The following CKAP2 variants were observed in gnomAD, a reference collection of about 807,000 sequenced individuals.
CKAP2 encodes cytoskeleton-associated protein 2.
A neutral mutation model predicts 58.4 loss-of-function variants in CKAP2; 46 were observed. That is an observed-to-expected ratio of 0.79 (90% CI 0.62 to 1.01). CKAP2 has a LOEUF of 1.01. Among genes scored for constraint, CKAP2 ranks in the 50% least tolerant of loss-of-function variants. The pLI is 0.00. For missense variants in CKAP2, 809 were observed against 796.4 expected (o/e 1.02, Z -0.19); for synonymous variants, 293 against 280.9 (o/e 1.04, Z -0.43).
chr13:52,471,268 GAT>G (rs1350681835), intron 7 of CKAP2, among the ~76,000 whole-genome samples: 2 of 152,166 alleles, frequency 1.3e-5, no homozygotes, highest in African/African-American at 4.8e-5. Context: ...TATTTCTGGA[GAT>G]ATGTGGAAAG....
chr13:52,455,977 C>T (rs1958472844), intron 1 of CKAP2: 8 of 1,095,972 alleles, frequency 7.3e-6, no homozygotes, highest in Middle Eastern at 3.9e-4. Context: ...CCGACTGCGC[C>T]TGCGCTGGGT....
Position 52,468,273 on chromosome 13 carries a change from T to A in CKAP2, c.1477-5T>A, listed in dbSNP as rs920966811. On this transcript the variant is annotated splice_region_variant and splice_polypyrimidine_tract_variant and intron_variant, in intron 6 of 8. Transcript: ENST00000258607. ...GGATCTGCTTTCTTCATTAAAAAAA[T>A]TAAGCCTATTGAAGAGATGCGACAC... 6.4e-7 allele frequency: 1 copy of A among 1,564,156 alleles called. No homozygotes were observed. Among genetic ancestry groups the A allele is most frequent in the Non-Finnish European group, 8.7e-7 (1 of 1,150,512 alleles).
Position 52,455,572 on chromosome 13 carries a change from G to A in CKAP2, c.16G>A (p.Val6Met), listed in dbSNP as rs1958462501. 3 of 1,612,534 alleles carry A rather than the reference G, an allele frequency of 1.9e-6. No individual in the cohort carries two copies. Among genetic ancestry groups the A allele is most frequent in the African/African-American group, 1.3e-5 (1 of 74,854 alleles). The change falls in exon 1 of 9, where the codon GTG (valine) becomes ATG (methionine). Residue 6 changes from valine to methionine, a missense_variant. By Grantham distance (21) the Val-to-Met change is conservative. Around this residue, in one of 3 missense-constraint regions of CKAP2, gnomAD observed 523 missense variants for 492.4 expected, o/e 1.06. Coordinates refer to ENST00000258607, the MANE Select transcript of CKAP2 (RefSeq NM_018204.5). Reference sequence around the variant, plus strand: ...CGAGGCTACGATGAGCACACCGGCCGTGCCCCAGGACCTGCAGCTGCCCCC... The same window carrying A: ...CGAGGCTACGATGAGCACACCGGCCATGCCCCAGGACCTGCAGCTGCCCCC... Reference protein sequence around the residue: MSTPAVPQDLQLPPSQ... With the variant: MSTPAMPQDLQLPPSQ...
chr13:52,462,449 G>A lies in CKAP2; in HGVS notation c.1187G>A (p.Gly396Glu). The change falls in exon 5 of 9, where the codon GGA becomes GAA. Residue 396 changes from glycine to glutamate, a missense_variant. By Grantham distance (98) the Gly-to-Glu change is moderately conservative. Transcript: ENST00000258607. ...GTAGTTACTCAGCATGAGCCTGCAG[G>A]ACAAAATGAAAAACCAGTTGGGTCT... The part of the protein sequence containing the change: ...NSVVTQHEPA[G>E]QNEKPVGSFW... 6.2e-7 allele frequency: 1 copy of A among 1,614,076 alleles called. No individual in the cohort carries two copies. Among genetic ancestry groups the A allele is most frequent in the Non-Finnish European group, 8.5e-7 (1 of 1,179,976 alleles).
chr13:52,455,636 GC>G lies in CKAP2; in HGVS notation c.70+11del, dbSNP rs759825796. 1.3e-5 allele frequency: 3 copies of G among 225,082 alleles called. No individual in the cohort carries two copies. The East Asian group carries it at 8.4e-4, about 63-fold the overall frequency. The allele number at this position is 225,082 out of a possible 1,614,324, so 13.9% of individuals were successfully genotyped here. On this transcript the variant is annotated intron_variant, in intron 1 of 8. Coordinates refer to ENST00000258607, the MANE Select transcript of CKAP2 (RefSeq NM_018204.5). Reference sequence around the variant, plus strand: ...CAGTCCGCATTCAAAGGTGAAGGCCGCGGTGGCGGTGGCGGTGGCGGTGGCG... The same window carrying G: ...CAGTCCGCATTCAAAGGTGAAGGCCGGGTGGCGGTGGCGGTGGCGGTGGCG...
intron 1 of CKAP2, chr13:52,456,152 A>G (rs1367984812): frequency 9.7e-7 from 1 of 1,035,268 alleles, no homozygotes; most frequent in East Asian, 8.6e-5. Flanking sequence ...AAAGCAGAAG[A>G]AAGTAATTCT....
chr13:52,468,312 T>C lies in CKAP2; in HGVS notation c.1511T>C (p.Ile504Thr), dbSNP rs546336163. The change falls in exon 7 of 9, where the codon ATT becomes ACT. Residue 504 changes from isoleucine (I) to threonine (T), a missense_variant. By Grantham distance (89) the Ile-to-Thr change is moderately conservative. This residue lies in a region of CKAP2 where 283 missense variants were observed against 287.6 expected (regional missense o/e 0.98). Transcript: ENST00000258607. ...IEEMRHTIVD[I>T]LTMKSQEKAN... ...GAGATGCGACACACGATTGTAGATA[T>C]TCTAACAATGAAGAGTCAAGAAAAA... The C allele has an allele frequency of 1.9e-6, 3 of 1,603,310 alleles. No homozygotes were observed. The highest frequency in any genetic ancestry group is 1.3e-5 in the African/African-American group (1 of 74,612).
chr13:52,465,274 C>T (rs375485625), intron 5 of CKAP2, 21 bp from the exon 6 acceptor site: 2 of 1,591,146 alleles, frequency 1.3e-6, no homozygotes, highest in South Asian at 1.1e-5. Flanking sequence ...ATATTACACA[C>T]ATTTTTTCTT....
chr13:52,461,789 T>C lies in CKAP2; in HGVS notation c.963T>C (p.Val321=), dbSNP rs767781915. ...KTLSRSIASE[V]IARPASLSND... is the part of the protein sequence containing the mutation. Reference sequence around the variant, plus strand: ...TATCAAGATCCATAGCATCTGAAGTTATAGCCAGGCCTGCTTCATTGTCTA... The same window carrying C: ...TATCAAGATCCATAGCATCTGAAGTCATAGCCAGGCCTGCTTCATTGTCTA... The change falls in exon 4 of 9, where the codon GTT becomes GTC. Residue 321 remains valine (V), a synonymous_variant. Coordinates refer to ENST00000258607, the MANE Select transcript of CKAP2 (RefSeq NM_018204.5). 19 of 1,613,996 alleles carry C rather than the reference T, an allele frequency of 1.2e-5. No homozygotes were observed. The East Asian group carries it at 4.2e-4, about 36-fold the overall frequency.
At chr13:52,467,888 C>T (rs1958704337) in intron 6 of CKAP2, among the ~76,000 whole-genome samples, 1 of 151,534 alleles carries the variant, frequency 6.6e-6, no homozygotes, top group Non-Finnish European at 1.5e-5. Flanking sequence ...CGGCTCACTG[C>T]AAGCTCCGCT....
intron 2 of CKAP2, among the ~76,000 whole-genome samples, chr13:52,457,929 T>A (rs1958513797): frequency 6.6e-6 from 1 of 152,136 alleles, no homozygotes; most frequent in South Asian, 2.1e-4. Context: ...GTGGAAATGA[T>A]AACGCAAATG....
intron 6 of CKAP2, chr13:52,465,906 T>TATATATATATACACAC (rs1555259558): frequency 3.2e-4 from 90 of 278,014 alleles, no homozygotes; most frequent in Non-Finnish European, 6.0e-4. Context: ...CTCATATATG[T>TATATATATATACACAC]ATATATATAC....
Position 52,456,506 on chromosome 13 carries a change from T to C in CKAP2, c.71-17T>C. 1 of 1,582,038 alleles carries C rather than the reference T, an allele frequency of 6.3e-7. No individual in the cohort carries two copies. Among genetic ancestry groups the C allele is most frequent in the Non-Finnish European group, 8.6e-7 (1 of 1,156,218 alleles). On this transcript the variant is annotated splice_polypyrimidine_tract_variant and intron_variant, in intron 1 of 8. Coordinates refer to ENST00000258607, the MANE Select transcript of CKAP2 (RefSeq NM_018204.5). ...TTTAACTAATATTGACTTGTAGCTC[T>C]TACCTTTGTTATCTAGAGCAAAGAA...
In CKAP2 at chr13:52,461,113, G is replaced by C; in HGVS notation, c.287G>C (p.Gly96Ala). Reference sequence around the variant, plus strand: ...GAGAGCAAAAATAATACAGTGGTGGGGAAACATTGTATTCCTTTAAAACCT... The same window carrying C: ...GAGAGCAAAAATAATACAGTGGTGGCGAAACATTGTATTCCTTTAAAACCT... Reference protein sequence around the residue: ...PAESKNNTVVGKHCIPLKPSN... With the variant: ...PAESKNNTVVAKHCIPLKPSN... Residue 96 changes from glycine to alanine, a missense_variant, in exon 4 of 9, where the codon GGG (glycine) becomes GCG (alanine). By Grantham distance (60) the Gly-to-Ala change is moderately conservative. Transcript: ENST00000258607. 1 of 1,609,908 alleles carries C rather than the reference G, an allele frequency of 6.2e-7. No homozygotes were observed. The highest frequency in any genetic ancestry group is 8.5e-7 in the Non-Finnish European group (1 of 1,178,676).
chr13:52,460,579 G>T (rs1239770229), intron 2 of CKAP2, among the ~76,000 whole-genome samples: 3 of 148,604 alleles, frequency 2.0e-5, no homozygotes, highest in African/African-American at 7.5e-5. Context: ...CTAGTAGCTG[G>T]GACTACAGGA....
chr13:52,473,835 A>G lies in CKAP2; in HGVS notation c.1553A>G (p.Asn518Ser), dbSNP rs748045384. The G allele has an allele frequency of 3.1e-6, 5 of 1,598,586 alleles. No homozygotes were observed. In the South Asian group the frequency reaches 5.7e-5, roughly 18 times the overall value. ...ATAAATGTATTTTCTATAGGAGAAA[A>G]TATGGAGAAGTCTTGTGCAAGCAAG... is the stretch of plus-strand genomic sequence containing the variant. ...KSQEKANLGE[N>S]MEKSCASKEE... is the part of the protein sequence containing the mutation. The change falls in exon 8 of 9, where the codon AAT becomes AGT. Residue 518 changes from asparagine to serine, a missense_variant. By Grantham distance (46) the Asn-to-Ser change is conservative. Transcript: ENST00000258607.
At chr13:52,457,185 G>A (rs1164373609) in intron 2 of CKAP2, among the ~76,000 whole-genome samples, 2 of 152,086 alleles carry the variant, frequency 1.3e-5, no homozygotes, top group Non-Finnish European at 2.9e-5. Context: ...ATGAGCCACC[G>A]CGCCCGGCCT....
intron 8 of CKAP2, among the ~76,000 whole-genome samples, chr13:52,474,376 C>T (rs1958800822): frequency 6.6e-6 from 1 of 152,090 alleles, no homozygotes; most frequent in Non-Finnish European, 1.5e-5. Context: ...GTAGTCCCAG[C>T]TACCTGGGAG....
At chr13:52,463,377 T>C (rs1958613612) in intron 5 of CKAP2, among the ~76,000 whole-genome samples, 1 of 152,238 alleles carries the variant, frequency 6.6e-6, no homozygotes, top group African/African-American at 2.4e-5. Context: ...CATGGGACAG[T>C]CTGGTTGTTT....
Sources: gnomAD v4.1 joint callset for allele counts (sites outside exome capture counted in the v4.1 genomes callset) on GRCh38, gnomAD v4.1.1 for gene constraint, gnomAD v4.1.1 regional missense constraint, MANE v1.5 for transcripts, NCBI Gene and HGNC (gene_info 2026-07-23, HGNC 2026-07-21) for gene names.